GABRA5: variants seen among roughly 807,000 people sequenced by gnomAD.
GABRA5 encodes the protein gamma-aminobutyric acid receptor subunit alpha-5.
Under a neutral mutation model 47.3 loss-of-function variants are expected in GABRA5, and 18 were observed. That is an observed-to-expected ratio of 0.38 (90% confidence interval 0.26 to 0.56). The LOEUF (loss-of-function observed/expected upper bound fraction) is 0.56, where lower values mean the gene tolerates loss of function less well. Ranked by LOEUF, GABRA5 falls within the 20% of genes least tolerant of loss-of-function variation. The probability of loss-of-function intolerance (pLI) is 0.71; values close to 1 mark genes in which losing one functional copy is unlikely to be tolerated. For synonymous variants in GABRA5, 237 were observed against 229.3 expected, an observed-to-expected ratio of 1.03 and a Z score of -0.30; for missense variants, 365 against 599.3, an observed-to-expected ratio of 0.61 and a Z score of 4.08.
At chr15:26,881,702 A>ATT (rs373113134) in intron 4 of GABRA5, among the ~76,000 whole-genome samples, 143 of 149,624 alleles carry the variant, frequency 9.6e-4, no homozygotes, top group African/African-American at 3.4e-3. Context: ...TAGTGTTTGC[A>ATT]TTTTTTTTTT....
rs765407468 is a variant in GABRA5, at chr15:26,939,920, T to C, written c.725-5T>C. The C allele has an allele frequency of 1.6e-5, 26 of 1,613,808 alleles. No homozygotes were observed. In the South Asian group the frequency reaches 2.9e-4, roughly 18 times the overall value. ...ACTGATGTGCAGTCATTTGCTTATT[T>C]GCAGGCGAATACACAATCATGACAG... On this transcript the variant is annotated splice_region_variant and splice_polypyrimidine_tract_variant and intron_variant, in intron 8 of 10. Transcript: ENST00000335625.
intron 9 of GABRA5, among the ~76,000 whole-genome samples, chr15:26,942,659 G>C (rs1409832423): frequency 6.6e-6 from 1 of 152,164 alleles, no homozygotes; most frequent in South Asian, 2.1e-4. Context: ...GCCTGGCTTT[G>C]TTCATGGCAG....
intron 7 of GABRA5, among the ~76,000 whole-genome samples, chr15:26,926,398 G>T (rs2140304612): frequency 6.6e-6 from 1 of 152,232 alleles, no homozygotes; most frequent in African/African-American, 2.4e-5. Context: ...TAAGTGATGA[G>T]CCAAAAGTTA....
intron 3 of GABRA5, among the ~76,000 whole-genome samples, chr15:26,874,970 A>G (rs995452956): frequency 6.6e-6 from 1 of 152,128 alleles, no homozygotes; most frequent in African/African-American, 2.4e-5. Flanking sequence ...CTCTGTCCAC[A>G]TGCTCTCTGT....
intron 6 of GABRA5, among the ~76,000 whole-genome samples, chr15:26,885,593 G>A (rs1304909680): frequency 3.9e-5 from 6 of 152,212 alleles, no homozygotes; most frequent in South Asian, 2.1e-4. Context: ...GATCTTGAAC[G>A]TGTTTGCCCA....
rs554973025 is a variant in GABRA5, at chr15:26,890,600, C to G, written c.497+7043C>G. On this transcript the variant is annotated intron_variant, in intron 6 of 10. Transcript: ENST00000335625. ...CCTGTAGGCACGCAGCCACACCATC[C>G]TTCATGTCCTCAGTCACTGAAGACA... Among the ~76,000 whole-genome samples the G allele has an allele frequency of 1.1e-4, 16 of 152,184 alleles. No homozygotes were observed. In the East Asian group the frequency reaches 1.2e-3, roughly 11 times the overall value.
At chr15:26,875,430 C>T (rs1374777884) in intron 3 of GABRA5, among the ~76,000 whole-genome samples, 1 of 152,176 alleles carries the variant, frequency 6.6e-6, no homozygotes, top group Non-Finnish European at 1.5e-5. Flanking sequence ...GGCTTGCCTC[C>T]CAGGAGGGTA....
At chr15:26,881,804 A>G (rs1427325055) in intron 4 of GABRA5, among the ~76,000 whole-genome samples, 4 of 152,088 alleles carry the variant, frequency 2.6e-5, no homozygotes, top group Non-Finnish European at 5.9e-5. Flanking sequence ...GGTTTAAGTG[A>G]TTCTCCTGCC....
chr15:26,932,485 G>A (rs1035577485), intron 7 of GABRA5, among the ~76,000 whole-genome samples: 3 of 152,198 alleles, frequency 2.0e-5, no homozygotes, highest in African/African-American at 7.2e-5. Flanking sequence ...GTGAGACTGT[G>A]GAGAAATAGG....
At chr15:26,930,454 C>T (rs554021450) in intron 7 of GABRA5, among the ~76,000 whole-genome samples, 1 of 152,334 alleles carries the variant, frequency 6.6e-6, no homozygotes, top group East Asian at 1.9e-4. Flanking sequence ...CCTAGTTCCA[C>T]CTTCCACGAA....
intron 3 of GABRA5, among the ~76,000 whole-genome samples, chr15:26,869,895 G>A (rs185503381): frequency 6.6e-6 from 1 of 152,196 alleles, no homozygotes; most frequent in African/African-American, 2.4e-5. Context: ...TGAGGTTCTG[G>A]CACTATCATT....
intron 7 of GABRA5, among the ~76,000 whole-genome samples, chr15:26,927,533 G>A (rs1284358785): frequency 6.6e-6 from 1 of 152,152 alleles, no homozygotes; most frequent in Non-Finnish European, 1.5e-5. Context: ...GTCATGTATT[G>A]TGTGTAAACT....
intron 3 of GABRA5, among the ~76,000 whole-genome samples, chr15:26,878,272 T>C (rs192110194): frequency 6.6e-6 from 1 of 152,348 alleles, no homozygotes; most frequent in Non-Finnish European, 1.5e-5. Context: ...TTAAAGATCA[T>C]ACAGCTTGAT....
chr15:26,882,856 C>T (rs977264541), intron 4 of GABRA5, among the ~76,000 whole-genome samples: 84 of 152,318 alleles, frequency 5.5e-4, no homozygotes, highest in Non-Finnish European at 9.6e-4. Context: ...GAAATGGAAG[C>T]TCGGGTGTTT....
chr15:26,902,238 A>C (rs2051978439), intron 6 of GABRA5, among the ~76,000 whole-genome samples: 1 of 152,124 alleles, frequency 6.6e-6, no homozygotes, highest in African/African-American at 2.4e-5. Flanking sequence ...GTTGAGAGGA[A>C]CTGAAATCTT....
chr15:26,927,382 G>A (rs1566882604), intron 7 of GABRA5, among the ~76,000 whole-genome samples: 1 of 151,916 alleles, frequency 6.6e-6, no homozygotes, highest in Non-Finnish European at 1.5e-5. Context: ...AAAGTGCTGG[G>A]ATTACATGTG....
intron 6 of GABRA5, among the ~76,000 whole-genome samples, chr15:26,907,793 C>T (rs2140286397): frequency 6.6e-6 from 1 of 152,288 alleles, no homozygotes; most frequent in Admixed American, 6.5e-5. Flanking sequence ...CTTCAGAATA[C>T]ATTTTTCCTT....
intron 6 of GABRA5, among the ~76,000 whole-genome samples, chr15:26,905,479 A>C (rs1893422778): frequency 6.6e-6 from 1 of 152,014 alleles, no homozygotes; most frequent in Non-Finnish European, 1.5e-5. Flanking sequence ...GGATCTCTTA[A>C]ATTTATACTA....
Position 26,940,086 on chromosome 15 carries a change from C to T in GABRA5, c.877+9C>T. ...AGCCAGGACAGTTTTTGGTGAGTGTCCCCAAGCCAGGCCTGGACACTGGTG... is the reference window on the plus strand; with the variant it reads ...AGCCAGGACAGTTTTTGGTGAGTGTTCCCAAGCCAGGCCTGGACACTGGTG... On this transcript the variant is annotated intron_variant, in intron 9 of 10. Transcript: ENST00000335625. 1 of 1,607,858 alleles carries T rather than the reference C, an allele frequency of 6.2e-7. No homozygotes were observed. The highest frequency in any genetic ancestry group is 8.5e-7 in the Non-Finnish European group (1 of 1,176,374).
Sources: gnomAD v4.1 joint callset for allele counts (sites outside exome capture counted in the v4.1 genomes callset) on GRCh38, gnomAD v4.1.1 for gene constraint, MANE v1.5 for transcripts, NCBI Gene and HGNC (gene_info 2026-07-23, HGNC 2026-07-21) for gene names.